The following BYSL variants were observed in gnomAD, a reference collection of about 807,000 sequenced individuals.
BYSL encodes the protein bystin like.
BYSL carries 21 observed loss-of-function variants against 45.4 expected under a neutral mutation model. The ratio of observed to expected loss-of-function variants is 0.46; its 90% CI spans 0.33 to 0.67. BYSL has a LOEUF of 0.67. BYSL is among the 30% of genes least tolerant of loss of function. The probability of loss-of-function intolerance (pLI) is 0.02; values close to 1 mark genes in which losing one functional copy is unlikely to be tolerated. For missense variants in BYSL, 522 were observed against 578.5 expected, an observed-to-expected ratio of 0.90 and a Z score of 1.00; for synonymous variants, 215 against 231.3, an observed-to-expected ratio of 0.93 and a Z score of 0.64.
chr6:41,918,051 G>A (rs1181294691), upstream of BYSL: 9 of 270,460 alleles, frequency 3.3e-5, no homozygotes, highest in Non-Finnish European at 6.9e-5. Flanking sequence ...TTCCTCCTAT[G>A]GTGAGTGAAC....
intron 2 of BYSL, among the ~76,000 whole-genome samples, chr6:41,928,489 C>T (rs923588112): frequency 6.6e-6 from 1 of 152,190 alleles, no homozygotes; most frequent in African/African-American, 2.4e-5. Flanking sequence ...CCCAGAGAGC[C>T]TCTCAGGTTC....
chr6:41,921,481 G>A (rs966420629), upstream of BYSL: 2 of 1,477,556 alleles, frequency 1.4e-6, no homozygotes, highest in African/African-American at 1.4e-5. Context: ...CCTCTTGGGC[G>A]CTGGGAGTCC....
At chr6:41,927,332 T>C in intron 1 of BYSL, 42 bp from the exon 2 acceptor site, 1 of 1,606,148 alleles carries the variant, frequency 6.2e-7, no homozygotes, top group Non-Finnish European at 8.5e-7. Context: ...ATCCCTCAGC[T>C]ACCTTTTGCT....
At chr6:41,925,235 A>G (rs901928014) in intron 1 of BYSL, among the ~76,000 whole-genome samples, 1 of 152,184 alleles carries the variant, frequency 6.6e-6, no homozygotes, top group Non-Finnish European at 1.5e-5. Flanking sequence ...TTTATCACAC[A>G]CTGCCTTTGT....
the BYSL span, among the ~76,000 whole-genome samples, chr6:41,912,371 T>G: frequency 2.0e-5 from 3 of 147,562 alleles, no homozygotes; most frequent in Non-Finnish European, 4.5e-5. Context: ...TTTTTTTTTT[T>G]TTGGAGATGG....
At chr6:41,921,911 G>C in intron 1 of BYSL, 81 bp downstream of exon 1, 7 of 1,484,142 alleles carry the variant, frequency 4.7e-6, no homozygotes, top group Non-Finnish European at 6.3e-6. Flanking sequence ...TCTGGCAGGG[G>C]AATTGCTTCG....
chr6:41,909,157 G>C, the BYSL span: 1 of 1,422,544 alleles, frequency 7.0e-7, no homozygotes, highest in South Asian at 1.4e-5. Flanking sequence ...CTGGGTGACA[G>C]AACAAGACTC....
At chr6:41,908,879 T>C in the BYSL span, 1 of 247,874 alleles carries the variant, frequency 4.0e-6, no homozygotes, top group African/African-American at 2.2e-5. Context: ...GGCATAAATA[T>C]CTGTTTAAAT....
intron 2 of BYSL, among the ~76,000 whole-genome samples, chr6:41,929,303 G>A (rs1023547657): frequency 2.0e-5 from 3 of 152,280 alleles, no homozygotes; most frequent in Middle Eastern, 3.4e-3. Flanking sequence ...TGTGAGACCA[G>A]CCTGGGCAAC....
At chr6:41,919,173 C>G (rs964678862), upstream of BYSL, among the ~76,000 whole-genome samples, 1 of 143,216 alleles carries the variant, frequency 7.0e-6, no homozygotes, top group Non-Finnish European at 1.5e-5. Flanking sequence ...AAGTACAGCA[C>G]AAAGAGGTTA....
chr6:41,921,073 T>TC, upstream of BYSL: 1 of 1,603,944 alleles, frequency 6.2e-7, no homozygotes, highest in African/African-American at 1.3e-5. Flanking sequence ...GGGTTCCCTG[T>TC]CCGCCCACAG....
At chr6:41,908,943 G>T in the BYSL span, 25 of 377,274 alleles carry the variant, frequency 6.6e-5, no homozygotes, top group Non-Finnish European at 1.0e-4. Flanking sequence ...AGCACTTTGG[G>T]GGGCTGAGAT....
chr6:41,926,871 G>A (rs533908402), intron 1 of BYSL, among the ~76,000 whole-genome samples: 4 of 151,000 alleles, frequency 2.6e-5, no homozygotes, highest in Admixed American at 1.3e-4. Flanking sequence ...CAAGGCGGGC[G>A]GATCACGAGG....
intron 1 of BYSL, among the ~76,000 whole-genome samples, chr6:41,925,100 C>T (rs1421860174): frequency 6.6e-6 from 1 of 152,064 alleles, no homozygotes; most frequent in African/African-American, 2.4e-5. Flanking sequence ...TGTGAGTCAT[C>T]CAAGAGCAGC....
Position 41,930,702 on chromosome 6 carries a change from G to T in BYSL, c.638G>T (p.Trp213Leu). The change falls in exon 4 of 7, where the codon TGG becomes TTG. Residue 213 changes from tryptophan (W) to leucine (L), a missense_variant. Coordinates refer to ENST00000230340, the MANE Select transcript of BYSL (RefSeq NM_004053.4). Reference sequence around the variant, plus strand: ...AAGATCATCCCTGCACTCTCCAACTGGGAGCAAATCCTCTACGTCACAGAG... The same window carrying T: ...AAGATCATCCCTGCACTCTCCAACTTGGAGCAAATCCTCTACGTCACAGAG... The part of the protein sequence containing the change: ...AFKIIPALSN[W>L]EQILYVTEPE... The T allele has an allele frequency of 6.2e-7, 1 of 1,614,072 alleles. No individual in the cohort carries two copies. The highest frequency in any genetic ancestry group is 8.5e-7 in the Non-Finnish European group (1 of 1,179,964).
At chr6:41,924,227 ATT>A (rs57469455) in intron 1 of BYSL, among the ~76,000 whole-genome samples, 60 of 144,846 alleles carry the variant, frequency 4.1e-4, no homozygotes, top group Admixed American at 4.8e-4. Context: ...CACCCAGCTA[ATT>A]TTTTTTTTTT....
chr6:41,930,487 TA>T, intron 3 of BYSL, 147 bp from the exon 4 acceptor site: 2 of 1,258,816 alleles, frequency 1.6e-6, no homozygotes, highest in Non-Finnish European at 1.1e-6. Flanking sequence ...TGGTCATCTG[TA>T]AAATGAGCAT....
chr6:41,914,767 C>T, the BYSL span, among the ~76,000 whole-genome samples: 1 of 151,752 alleles, frequency 6.6e-6, no homozygotes. Context: ...CATCCCCCAT[C>T]ATCCACACCC....
Position 41,932,815 on chromosome 6 carries a change from A to C in BYSL, c.*109A>C, listed in dbSNP as rs921936174. On this transcript the variant is annotated 3_prime_UTR_variant, in exon 7 of 7. Coordinates refer to ENST00000230340, the MANE Select transcript of BYSL (RefSeq NM_004053.4). The surrounding 1 kb of genome is among the most constrained non-coding windows in gnomAD (Gnocchi z 4.7). ...AATGGCTGAAGACCCAGATCAGGGC[A>C]GTGACAGATCACAGGGACATCTGTG... 11 of 1,178,480 alleles carry C rather than the reference A, an allele frequency of 9.3e-6. No individual in the cohort carries two copies. The highest frequency in any genetic ancestry group is 8.2e-6 in the Non-Finnish European group (7 of 850,324). 73.0% of individuals were successfully genotyped at this position (1,178,480 alleles called of 1,614,324 possible). A position where few individuals can be genotyped will look rare whatever the true frequency, so the allele number is the denominator to read the frequency against.
Sources: allele counts gnomAD v4.1 joint callset (sites outside exome capture counted in the v4.1 genomes callset), GRCh38; gene constraint gnomAD v4.1.1; non-coding constraint Gnocchi (gnomAD v3.1); transcripts MANE v1.5; gene names NCBI Gene and HGNC (gene_info 2026-07-23, HGNC 2026-07-21).